Variants in TXLNA observed in about 807,000 individuals in gnomAD.
TXLNA encodes the protein alpha-taxilin.
Under a neutral mutation model 61.4 loss-of-function variants are expected in TXLNA, and 9 were observed. The observed-to-expected ratio is 0.15, with a 90% CI of 0.09 to 0.26. TXLNA has a LOEUF of 0.26. Among genes scored for constraint, TXLNA ranks in the 10% least tolerant of loss-of-function variants. TXLNA has a pLI of 1.00. For missense variants in TXLNA, 565 were observed against 688.8 expected (o/e 0.82, Z 2.01); for synonymous variants, 257 against 267.7 (o/e 0.96, Z 0.39).
At position 32,192,208 on chromosome 1, in the gene TXLNA, T is replaced by C. The variant is rs1309028564; in HGVS notation, c.964-103T>C. On this transcript the variant is annotated intron_variant, in intron 6 of 10. Coordinates refer to ENST00000373610, the MANE Select transcript of TXLNA (RefSeq NM_175852.4). The surrounding 1 kb of genome is among the most constrained non-coding windows in gnomAD (Gnocchi z 4.2). ...ACACATGGGAGTCCATCATATCAGATTGAGATGGGGGGCTGGGCAAAGTGC... is the reference window on the plus strand; with the variant it reads ...ACACATGGGAGTCCATCATATCAGACTGAGATGGGGGGCTGGGCAAAGTGC... The C allele has an allele frequency of 6.7e-7, 1 of 1,500,518 alleles. No individual in the cohort carries two copies. Among genetic ancestry groups the C allele is most frequent in the Non-Finnish European group, 9.1e-7 (1 of 1,102,916 alleles). The allele number at this position is 1,500,518 out of a possible 1,614,324, so 93.0% of individuals were successfully genotyped here.
At chr1:32,180,232 G>A (rs1474642412) in intron 1 of TXLNA, 82 bp from the exon 2 acceptor site, 2 of 1,367,422 alleles carry the variant, frequency 1.5e-6, no homozygotes, top group Non-Finnish European at 9.8e-7. Context: ...AAGAAGCTTT[G>A]TGCGCCTGCT....
At chr1:32,188,835 G>A (rs959223273) in intron 5 of TXLNA, among the ~76,000 whole-genome samples, 4 of 152,208 alleles carry the variant, frequency 2.6e-5, no homozygotes. Context: ...CGGAGGCCTG[G>A]CTCTGACAAG....
Position 32,195,872 on chromosome 1 carries a change from C to G in TXLNA, c.*677C>G. 1 of 433,188 alleles carries G rather than the reference C, an allele frequency of 2.3e-6. No homozygotes were observed. Among genetic ancestry groups the G allele is most frequent in the Non-Finnish European group, 4.7e-6 (1 of 214,684 alleles). 26.8% of individuals were successfully genotyped at this position (433,188 alleles called of 1,614,324 possible). ...CCAGGACCAGGCCAATGATGCTTCT[C>G]AGTAGCCTTATCATTCACAGGTGCC... On this transcript the variant is annotated 3_prime_UTR_variant, in exon 11 of 11. Coordinates refer to ENST00000373610, the MANE Select transcript of TXLNA (RefSeq NM_175852.4).
chr1:32,192,836 C>A lies in TXLNA; in HGVS notation c.1158+105C>A. 2 of 1,171,736 alleles carry A rather than the reference C, an allele frequency of 1.7e-6. No homozygotes were observed. Among genetic ancestry groups the A allele is most frequent in the South Asian group, 1.3e-5 (1 of 76,624 alleles). The allele number at this position is 1,171,736 out of a possible 1,614,324, so 72.6% of individuals were successfully genotyped here. Reference sequence around the variant, plus strand: ...CATTCTAGGACTGGCTGTGTCCTGGCTGCTATGACGCCTTGGTTGAGCCTT... The same window carrying A: ...CATTCTAGGACTGGCTGTGTCCTGGATGCTATGACGCCTTGGTTGAGCCTT... On this transcript the variant is annotated intron_variant, in intron 8 of 10. Transcript: ENST00000373610. This position sits in a 1 kb window ranked among gnomAD's most constrained non-coding sequence, Gnocchi z 4.2.
chr1:32,183,378 C>T (rs1458899469), intron 3 of TXLNA, among the ~76,000 whole-genome samples: 3 of 150,958 alleles, frequency 2.0e-5, no homozygotes, highest in Non-Finnish European at 4.4e-5. Context: ...CCCACCTGGG[C>T]CTCCCAAAGT....
chr1:32,180,655 C>T (rs1253765073), intron 2 of TXLNA, 141 bp downstream of exon 2: 8 of 1,139,854 alleles, frequency 7.0e-6, no homozygotes, highest in Non-Finnish European at 9.7e-6. Context: ...CCGCGGTCCC[C>T]CCTGCGCTCT....
In TXLNA at chr1:32,194,182, G is replaced by A. The variant is rs779108250; in HGVS notation, c.1347+22G>A. 3 of 1,603,536 alleles carry A rather than the reference G, an allele frequency of 1.9e-6. No individual in the cohort carries two copies. The Admixed American group carries it at 5.0e-5, about 27-fold the overall frequency. On this transcript the variant is annotated intron_variant, in intron 10 of 10. Coordinates refer to ENST00000373610, the MANE Select transcript of TXLNA (RefSeq NM_175852.4). ...GGAGGTGGGCTGTCTGTGATCTGCA[G>A]CCAGGGTGGGGGTGTGCACTTAGCG...
In TXLNA at chr1:32,181,122, A is replaced by T. The variant is rs370529204; in HGVS notation, c.170-120A>T. The T allele has an allele frequency of 2.2e-5, 13 of 596,518 alleles. No homozygotes were observed. In the South Asian group the frequency reaches 3.4e-4, roughly 16 times the overall value. The allele number at this position is 596,518 out of a possible 1,614,324, so 37.0% of individuals were successfully genotyped here. On this transcript the variant is annotated intron_variant, in intron 2 of 10. Transcript: ENST00000373610. Reference sequence around the variant, plus strand: ...TCCATTCTTGCTTCTCAGTTTCCATAAAAAAAAAAGTTAGGCAACATTTAA... The same window carrying T: ...TCCATTCTTGCTTCTCAGTTTCCATTAAAAAAAAAGTTAGGCAACATTTAA...
intron 4 of TXLNA, among the ~76,000 whole-genome samples, chr1:32,187,558 C>T (rs191724571): frequency 1.3e-5 from 2 of 152,172 alleles, no homozygotes; most frequent in African/African-American, 4.8e-5. Flanking sequence ...TGCGAGGGAG[C>T]GATGGGGGTC....
At chr1:32,183,668 G>A (rs1241319634) in intron 3 of TXLNA, among the ~76,000 whole-genome samples, 1 of 149,350 alleles carries the variant, frequency 6.7e-6, no homozygotes, top group Non-Finnish European at 1.5e-5. Context: ...CTGACCTCGT[G>A]ATCCGCCCGC....
At chr1:32,193,978 G>T in intron 9 of TXLNA, 87 bp from the exon 10 acceptor site, 1 of 1,066,342 alleles carries the variant, frequency 9.4e-7, no homozygotes, top group East Asian at 2.6e-5. Context: ...CCCCACCTTG[G>T]AGACACAGGT....
At chr1:32,181,807 A>T (rs1484238771) in intron 3 of TXLNA, among the ~76,000 whole-genome samples, 1 of 152,128 alleles carries the variant, frequency 6.6e-6, no homozygotes, top group Non-Finnish European at 1.5e-5. Flanking sequence ...TTGGCATGGG[A>T]CCTGTTCTCT....
Position 32,192,301 on chromosome 1 carries a change from T to C in TXLNA, c.964-10T>C. Reference sequence around the variant, plus strand: ...TGACAAGCCGACTGCTCCCACCATCTTTGTTGCAGCATATCGACAAAGTCT... The same window carrying C: ...TGACAAGCCGACTGCTCCCACCATCCTTGTTGCAGCATATCGACAAAGTCT... On this transcript the variant is annotated splice_polypyrimidine_tract_variant and intron_variant, in intron 6 of 10. Coordinates refer to ENST00000373610, the MANE Select transcript of TXLNA (RefSeq NM_175852.4). This position sits in a 1 kb window ranked among gnomAD's most constrained non-coding sequence, Gnocchi z 4.2. 1 of 1,613,062 alleles carries C rather than the reference T, an allele frequency of 6.2e-7. No individual in the cohort carries two copies.
At chr1:32,183,297 T>C (rs1642707894) in intron 3 of TXLNA, among the ~76,000 whole-genome samples, 1 of 148,010 alleles carries the variant, frequency 6.8e-6, no homozygotes, top group Non-Finnish European at 1.5e-5. Context: ...CTAATTTTTG[T>C]ATTTTTTTAG....
rs571616085 is a variant in TXLNA at position 32,197,668 on chromosome 1, G to A, written c.*2473G>A. 4 of 152,384 alleles carry A rather than the reference G, an allele frequency of 2.6e-5. No individual in the cohort carries two copies. In the East Asian group the frequency reaches 7.7e-4, roughly 29 times the overall value. 9.4% of individuals were successfully genotyped at this position (152,384 alleles called of 1,614,324 possible). ...AGTTTTAGGACCAAGATCTGTGTTG[G>A]TTTCTTAGATTGCTAGCTTTTCCTC... is the stretch of plus-strand genomic sequence containing the variant. On this transcript the variant is annotated 3_prime_UTR_variant, in exon 11 of 11. Coordinates refer to ENST00000373610, the MANE Select transcript of TXLNA (RefSeq NM_175852.4). This position sits in a 1 kb window ranked among gnomAD's most constrained non-coding sequence, Gnocchi z 4.6.
Position 32,181,438 on chromosome 1 carries a change from G to T in TXLNA, c.366G>T (p.Glu122Asp). 6.2e-7 allele frequency: 1 copy of T among 1,614,208 alleles called. No individual in the cohort carries two copies. Among genetic ancestry groups the T allele is most frequent in the Non-Finnish European group, 8.5e-7 (1 of 1,180,036 alleles). ...KSRTYVARNG[E>D]PEPTPVVNGE... Reference sequence around the variant, plus strand: ...GGACCTATGTGGCAAGGAATGGGGAGCCTGAACCAACTCCAGTAGTCAATG... The same window carrying T: ...GGACCTATGTGGCAAGGAATGGGGATCCTGAACCAACTCCAGTAGTCAATG... Residue 122 changes from glutamate (E) to aspartate (D), a missense_variant, in exon 3 of 11, where the codon GAG becomes GAT. By Grantham distance (45) the Glu-to-Asp change is conservative. Coordinates refer to ENST00000373610, the MANE Select transcript of TXLNA (RefSeq NM_175852.4).
intron 4 of TXLNA, among the ~76,000 whole-genome samples, chr1:32,187,073 AT>A (rs887484726): frequency 2.2e-4 from 33 of 148,142 alleles, no homozygotes; most frequent in East Asian, 2.0e-3. Context: ...ACTTTTTTGT[AT>A]TTTTTTTTTA....
rs1472958219 is a variant in TXLNA at position 32,192,500 on chromosome 1, C to T, written c.1083+70C>T. ...GGCTGGGCTCTGGCTCAGCTCATAGCCGGGTTATATGGGAGAAGTCTGGCC... is the reference window on the plus strand; with the variant it reads ...GGCTGGGCTCTGGCTCAGCTCATAGTCGGGTTATATGGGAGAAGTCTGGCC... On this transcript the variant is annotated intron_variant, in intron 7 of 10. Coordinates refer to ENST00000373610, the MANE Select transcript of TXLNA (RefSeq NM_175852.4). This position sits in a 1 kb window ranked among gnomAD's most constrained non-coding sequence, Gnocchi z 4.2. The T allele has an allele frequency of 6.2e-6, 10 of 1,602,030 alleles. No individual in the cohort carries two copies. The highest frequency in any genetic ancestry group is 8.5e-6 in the Non-Finnish European group (10 of 1,172,134).
rs1275101501 is a variant in TXLNA, at chr1:32,189,328, T to TG, written c.769-726dup. ...ATTGCCTTCCAGTGAGGGGGCAGTG[T>TG]GCCTTCCCCATCAAAAGTGTTGAGT... On this transcript the variant is annotated intron_variant, in intron 5 of 10. Coordinates refer to ENST00000373610, the MANE Select transcript of TXLNA (RefSeq NM_175852.4). Among the ~76,000 whole-genome samples, 5 of 152,336 alleles carry TG rather than the reference T, an allele frequency of 3.3e-5. No homozygotes were observed. In the East Asian group the frequency reaches 9.6e-4, roughly 29 times the overall value.
Sources: allele counts gnomAD v4.1 joint callset (sites outside exome capture counted in the v4.1 genomes callset), GRCh38; gene constraint gnomAD v4.1.1; non-coding constraint Gnocchi (gnomAD v3.1); transcripts MANE v1.5; gene names NCBI Gene and HGNC (gene_info 2026-07-23, HGNC 2026-07-21).